Variants in MICAL2 observed in about 807,000 individuals in gnomAD.
MICAL2 encodes [F-actin]-monooxygenase MICAL2.
MICAL2 carries 77 observed loss-of-function variants against 127.3 expected under a neutral mutation model. The ratio of observed to expected loss-of-function variants is 0.60; its 90% CI spans 0.50 to 0.73. MICAL2 has a LOEUF of 0.73. Ranked by LOEUF, MICAL2 falls within the 30% of genes least tolerant of loss-of-function variation. The pLI, the probability that MICAL2 is intolerant of heterozygous loss-of-function variation, is 0.00. For missense variants in MICAL2, 1,351 were observed against 1,434.4 expected (o/e 0.94, Z 0.94); for synonymous variants, 570 against 551.1 (o/e 1.03, Z -0.48).
At chr11:12,173,414 A>C (rs7950540) in intron 3 of MICAL2, among the ~76,000 whole-genome samples, 1 of 152,164 alleles carries the variant, frequency 6.6e-6, no homozygotes. Context: ...CCTTCCAGCC[A>C]AGGAGAACAT....
chr11:12,255,666 C>A lies in MICAL2; in HGVS notation c.2871C>A (p.Ser957Arg), dbSNP rs146006862. The A allele has an allele frequency of 3.2e-5, 52 of 1,613,830 alleles. No individual in the cohort carries two copies. Among genetic ancestry groups the A allele is most frequent in the African/African-American group, 1.1e-4 (8 of 74,846 alleles). Residue 957 changes from serine to arginine, a missense_variant, in exon 23 of 28, where the codon AGC becomes AGA. Physicochemically the swap from Ser to Arg is moderately radical, Grantham distance 110. This residue lies in a region of MICAL2 where 752 missense variants were observed against 719.4 expected (regional missense o/e 1.05). Transcript: ENST00000683283. ...AGCTGACGGTAGGGAAAGTGTCCAG[C>A]GGAATAGGGGCTGCAGCTGAAGTCC... is the stretch of plus-strand genomic sequence containing the variant. ...HPQLTVGKVS[S>R]GIGAAAEVLV... is the part of the protein sequence containing the mutation.
At chr11:12,221,045 C>G (rs145206680) in intron 9 of MICAL2, among the ~76,000 whole-genome samples, 1 of 152,206 alleles carries the variant, frequency 6.6e-6, no homozygotes, top group African/African-American at 2.4e-5. Flanking sequence ...TTTGGGTGCT[C>G]ATGGAGCAGA....
intron 32 of MICAL2, among the ~76,000 whole-genome samples, chr11:12,344,429 G>A (rs1938919017): frequency 6.6e-6 from 1 of 150,626 alleles, no homozygotes; most frequent in South Asian, 2.1e-4. Flanking sequence ...TTTTTCATAT[G>A]GAAAAGAAGC....
chr11:12,334,751 C>A (rs1178870441), intron 32 of MICAL2, among the ~76,000 whole-genome samples: 1 of 151,632 alleles, frequency 6.6e-6, no homozygotes, highest in Non-Finnish European at 1.5e-5. Context: ...TGATGGTTTC[C>A]AGCTTTATCC....
chr11:12,134,185 CA>C (rs1490826509), intron 1 of MICAL2, among the ~76,000 whole-genome samples: 1 of 152,200 alleles, frequency 6.6e-6, no homozygotes, highest in Non-Finnish European at 1.5e-5. Context: ...TGAGTGTGAC[CA>C]CCAGTGCATG....
At chr11:12,346,503 G>A (rs181898648) in intron 32 of MICAL2, among the ~76,000 whole-genome samples, 160 of 152,274 alleles carry the variant, frequency 1.1e-3, no homozygotes, top group African/African-American at 3.4e-3. Flanking sequence ...GATCTCTGGC[G>A]TACATACTTC....
At chr11:12,352,202 C>A (rs1182527360) in intron 33 of MICAL2, among the ~76,000 whole-genome samples, 2 of 152,034 alleles carry the variant, frequency 1.3e-5, no homozygotes, top group Non-Finnish European at 1.5e-5. Flanking sequence ...TGCATTGAGG[C>A]CAGGTATGAA....
At chr11:12,251,782 G>A (rs3812745) in intron 22 of MICAL2, among the ~76,000 whole-genome samples, 67,163 of 151,308 alleles carry the variant, frequency 0.44, 16,846 homozygotes, top group Non-Finnish European at 0.56. Context: ...AGTTTTGGCT[G>A]CACCTCCCAG....
chr11:12,245,460 G>A (rs912402546), intron 21 of MICAL2, among the ~76,000 whole-genome samples: 33 of 152,352 alleles, frequency 2.2e-4, no homozygotes, highest in African/African-American at 7.2e-4. Flanking sequence ...GGAGAACGGT[G>A]TAGGTAGAGT....
At chr11:12,347,650 C>T (rs890419708) in intron 32 of MICAL2, among the ~76,000 whole-genome samples, 3 of 151,962 alleles carry the variant, frequency 2.0e-5, no homozygotes, top group Non-Finnish European at 2.9e-5. Context: ...AAAAATAATA[C>T]AGATAGAAAA....
intron 25 of MICAL2, among the ~76,000 whole-genome samples, chr11:12,259,454 C>A (rs528701521): frequency 6.6e-6 from 1 of 152,160 alleles, no homozygotes; most frequent in East Asian, 1.9e-4. Context: ...TGGATCTTTA[C>A]GTCGTTGGAA....
intron 12 of MICAL2, 122 bp downstream of exon 12, chr11:12,223,623 T>G: frequency 1.2e-6 from 1 of 809,622 alleles, no homozygotes; most frequent in South Asian, 1.5e-5. Flanking sequence ...TTTACCTGTG[T>G]GGTCATGGGC....
chr11:12,335,917 G>A (rs1301749087), intron 32 of MICAL2, among the ~76,000 whole-genome samples: 4 of 152,112 alleles, frequency 2.6e-5, no homozygotes, highest in African/African-American at 4.8e-5. Context: ...TTTTGGCTTG[G>A]GATTGACTTG....
At chr11:12,276,319 C>G (rs1446098029) in intron 1 of MICAL2, 1 of 396,974 alleles carries the variant, frequency 2.5e-6, no homozygotes, top group Non-Finnish European at 4.4e-6. Context: ...TAGTACCCAT[C>G]TCAGAGGGAG....
chr11:12,235,830 A>G (rs1858972615), intron 15 of MICAL2, among the ~76,000 whole-genome samples: 1 of 152,152 alleles, frequency 6.6e-6, no homozygotes, highest in Non-Finnish European at 1.5e-5. Flanking sequence ...GCCCAAGGCC[A>G]CTTTGCAATG....
intron 8 of MICAL2, 91 bp from the exon 9 acceptor site, chr11:12,220,110 G>A: frequency 6.7e-7 from 1 of 1,482,882 alleles, no homozygotes; most frequent in Non-Finnish European, 9.3e-7. Context: ...TCACTGTAGG[G>A]ACCCATTCCA....
intron 13 of MICAL2, chr11:12,225,857 A>C (rs1360844583): frequency 6.3e-5 from 14 of 222,500 alleles, no homozygotes; most frequent in Non-Finnish European, 9.9e-5. Context: ...GTAATTAAAA[A>C]GAAAAAAAGT....
At chr11:12,277,877 C>T (rs1289274574) in intron 1 of MICAL2, among the ~76,000 whole-genome samples, 1 of 152,214 alleles carries the variant, frequency 6.6e-6, no homozygotes, top group East Asian at 1.9e-4. Context: ...TAACCTATTG[C>T]TCCCAGGCTA....
intron 2 of MICAL2, among the ~76,000 whole-genome samples, chr11:12,147,214 A>AC (rs1853025120): frequency 9.4e-6 from 1 of 106,288 alleles, no homozygotes; most frequent in Non-Finnish European, 2.2e-5. Flanking sequence ...TATAATAATA[A>AC]TAAAAAAAAG....
Sources: allele counts gnomAD v4.1 joint callset (sites outside exome capture counted in the v4.1 genomes callset), GRCh38; gene constraint gnomAD v4.1.1; regional missense constraint gnomAD v4.1.1; transcripts MANE v1.5; gene names NCBI Gene and HGNC (gene_info 2026-07-23, HGNC 2026-07-21).